The following PTPRN2 variants were observed in gnomAD, a reference collection of about 807,000 sequenced individuals.
PTPRN2 encodes receptor-type tyrosine-protein phosphatase N2.
A neutral mutation model predicts 118.8 loss-of-function variants in PTPRN2; 74 were observed. The ratio of observed to expected loss-of-function variants is 0.62; its 90% CI spans 0.52 to 0.76. The LOEUF is 0.76. PTPRN2 is among the 30% of genes least tolerant of loss of function. The pLI is 0.00. For synonymous variants in PTPRN2, 641 were observed against 608.0 expected, an observed-to-expected ratio of 1.05 and a Z score of -0.80; for missense variants, 1,481 against 1,394.4, an observed-to-expected ratio of 1.06 and a Z score of -0.99.
chr7:158,513,833 G>A (rs1823349705), intron 1 of PTPRN2, among the ~76,000 whole-genome samples: 1 of 152,180 alleles, frequency 6.6e-6, no homozygotes, highest in African/African-American at 2.4e-5. Flanking sequence ...TTCCTTTTCT[G>A]CTTATCTGTG....
At chr7:158,105,183 C>T (rs1395676102) in intron 10 of PTPRN2, among the ~76,000 whole-genome samples, 1 of 147,344 alleles carries the variant, frequency 6.8e-6, no homozygotes, top group South Asian at 2.2e-4. Context: ...TCAAACTCCA[C>T]CCTAGCTTCA....
At chr7:158,399,440 C>T (rs1221813605) in intron 2 of PTPRN2, among the ~76,000 whole-genome samples, 1 of 152,146 alleles carries the variant, frequency 6.6e-6, no homozygotes, top group African/African-American at 2.4e-5. Flanking sequence ...TCACTTGAGT[C>T]CAAGAGTTTG....
rs536381592 is a variant in PTPRN2, at chr7:157,674,844, G to C, written c.2001+7881C>G. 6.6e-6 allele frequency among the ~76,000 whole-genome samples: 1 copy of C among 152,236 alleles called. No individual in the cohort carries two copies. The highest frequency in any genetic ancestry group is 1.5e-5 in the Non-Finnish European group (1 of 68,044). On this transcript the variant is annotated intron_variant, in intron 13 of 22. Transcript: ENST00000389418. This position sits in a 1 kb window ranked among gnomAD's most constrained non-coding sequence, Gnocchi z 4.5. ...TCCCACGCCGAGCTCCTCCTGCCGGGGGGGTCTGCACAGTTCTGGGTGGGG... is the reference window on the plus strand; with the variant it reads ...TCCCACGCCGAGCTCCTCCTGCCGGCGGGGTCTGCACAGTTCTGGGTGGGG...
intron 6 of PTPRN2, among the ~76,000 whole-genome samples, chr7:158,155,025 C>T (rs893563659): frequency 1.3e-5 from 2 of 152,330 alleles, no homozygotes; most frequent in African/African-American, 4.8e-5. Context: ...CAAAGTAAAA[C>T]GTTGTGTTCC....
chr7:158,549,603 T>G (rs1005249948), intron 1 of PTPRN2, among the ~76,000 whole-genome samples: 11 of 152,180 alleles, frequency 7.2e-5, no homozygotes, highest in Non-Finnish European at 7.3e-5. Context: ...CTCGCTAGGG[T>G]GGAGGAAGCA....
At chr7:157,605,479 A>C (rs1233414472) in intron 15 of PTPRN2, among the ~76,000 whole-genome samples, 2 of 152,228 alleles carry the variant, frequency 1.3e-5, no homozygotes, top group Non-Finnish European at 2.9e-5. Flanking sequence ...TGTGGCGAGC[A>C]GGGGGCATGT....
intron 12 of PTPRN2, among the ~76,000 whole-genome samples, chr7:157,721,747 C>T (rs1178618243): frequency 3.9e-5 from 6 of 152,170 alleles, no homozygotes; most frequent in African/African-American, 1.4e-4. Flanking sequence ...ACCTGCCTGC[C>T]CTGGAGAGCC....
chr7:157,940,276 T>C (rs565264264), intron 11 of PTPRN2, among the ~76,000 whole-genome samples: 1 of 152,182 alleles, frequency 6.6e-6, no homozygotes, highest in Non-Finnish European at 1.5e-5. Flanking sequence ...CCCTTCCTAG[T>C]GTTATTATTA....
Position 157,742,066 on chromosome 7 carries a change from C to T in PTPRN2, c.1789-59129G>A, listed in dbSNP as rs964721889. Reference sequence around the variant, plus strand: ...TGACAAACACCTAAATAATCCAGCACGATTCCCTTCTAGATGTATCTCTCT... The same window carrying T: ...TGACAAACACCTAAATAATCCAGCATGATTCCCTTCTAGATGTATCTCTCT... On this transcript the variant is annotated intron_variant, in intron 12 of 22. Transcript: ENST00000389418. 3.3e-5 allele frequency among the ~76,000 whole-genome samples: 5 copies of T among 152,198 alleles called. No homozygotes were observed. In the East Asian group the frequency reaches 5.8e-4, roughly 18 times the overall value.
intron 12 of PTPRN2, among the ~76,000 whole-genome samples, chr7:157,712,626 C>T (rs1343855492): frequency 2.6e-5 from 4 of 151,994 alleles, no homozygotes; most frequent in African/African-American, 7.2e-5. Context: ...TGGTGGGCAC[C>T]TGTAATCTCA....
At chr7:158,417,723 T>A (rs1814826936) in intron 2 of PTPRN2, among the ~76,000 whole-genome samples, 1 of 60,968 alleles carries the variant, frequency 1.6e-5, no homozygotes, top group Non-Finnish European at 3.4e-5. Context: ...AGTGTCCCAC[T>A]GTGTTAAGTC....
In PTPRN2 at chr7:157,540,803, A is replaced by G. The variant is rs1284442121; in HGVS notation, c.2977-18T>C. ...AACTGCTCCTGCAGGGCGAGAAACG[A>G]GAGAAGTGCCAATGAGAGCGGCGTC... On this transcript the variant is annotated intron_variant, in intron 22 of 22. Transcript: ENST00000389418. 6.5e-7 allele frequency: 1 copy of G among 1,549,520 alleles called. No homozygotes were observed. Among genetic ancestry groups the G allele is most frequent in the Non-Finnish European group, 8.7e-7 (1 of 1,143,644 alleles).
rs531383063 is a variant in PTPRN2, at chr7:158,447,518, C to T, written c.163+42217G>A. ...AGAAGCAGCAGGGCCCCAGGGAGCC[C>T]GGTGGCTCAGCCACACATGCTGCCC... On this transcript the variant is annotated intron_variant, in intron 2 of 22. Coordinates refer to ENST00000389418, the MANE Select transcript of PTPRN2 (RefSeq NM_002847.5). 6.6e-5 allele frequency among the ~76,000 whole-genome samples: 10 copies of T among 152,314 alleles called. No individual in the cohort carries two copies. In the East Asian group the frequency reaches 9.7e-4, roughly 15 times the overall value.
intron 3 of PTPRN2, among the ~76,000 whole-genome samples, chr7:158,222,828 G>A (rs528507143): frequency 1.4e-4 from 21 of 151,684 alleles, no homozygotes; most frequent in Non-Finnish European, 3.1e-4. Flanking sequence ...TAAATAATAA[G>A]GATAAGAAAA....
chr7:158,077,837 T>A (rs1812494571), intron 11 of PTPRN2, among the ~76,000 whole-genome samples: 2 of 152,182 alleles, frequency 1.3e-5, no homozygotes, highest in Non-Finnish European at 2.9e-5. Context: ...AATATACTAT[T>A]TAAGAAGAAA....
At chr7:158,025,065 C>T (rs554452423) in intron 11 of PTPRN2, among the ~76,000 whole-genome samples, 11 of 152,054 alleles carry the variant, frequency 7.2e-5, no homozygotes, top group African/African-American at 2.4e-4. Context: ...ACAGGTGCCC[C>T]GAGGAAAGCA....
At chr7:157,759,059 ACT>A (rs773022154) in intron 12 of PTPRN2, among the ~76,000 whole-genome samples, 2 of 151,948 alleles carry the variant, frequency 1.3e-5, no homozygotes, top group East Asian at 1.9e-4. Context: ...AAGGCAAGTG[ACT>A]CTATTATTCC....
intron 1 of PTPRN2, among the ~76,000 whole-genome samples, chr7:158,499,237 G>C (rs1429270232): frequency 6.6e-6 from 1 of 152,104 alleles, no homozygotes; most frequent in Non-Finnish European, 1.5e-5. Context: ...GCTGGGCCCT[G>C]TTAAATGAGT....
At chr7:157,935,514 C>G (rs1050649651) in intron 11 of PTPRN2, among the ~76,000 whole-genome samples, 2 of 152,212 alleles carry the variant, frequency 1.3e-5, no homozygotes, top group African/African-American at 2.4e-5. Context: ...GCTGAGGTTC[C>G]CACGTGTCCC....
Sources: gnomAD v4.1 joint callset for allele counts (sites outside exome capture counted in the v4.1 genomes callset) on GRCh38, gnomAD v4.1.1 for gene constraint, Gnocchi (gnomAD v3.1) non-coding constraint, MANE v1.5 for transcripts, NCBI Gene and HGNC (gene_info 2026-07-23, HGNC 2026-07-21) for gene names.